The following TRIO variants were observed in gnomAD, a reference collection of about 807,000 sequenced individuals.
TRIO encodes trio Rho guanine nucleotide exchange factor.
A neutral mutation model predicts 351.9 loss-of-function variants in TRIO; 58 were observed. That is an observed-to-expected ratio of 0.16 (90% CI 0.13 to 0.21). TRIO has a LOEUF of 0.21. Among genes scored for constraint, TRIO ranks in the 10% least tolerant of loss-of-function variants. The pLI is 1.00. For missense variants in TRIO, 3,201 were observed against 4,027.8 expected (o/e 0.79, Z 5.56); for synonymous variants, 1,758 against 1,595.7 (o/e 1.10, Z -2.42).
chr5:14,428,441 A>T (rs1750824930), intron 34 of TRIO, among the ~76,000 whole-genome samples: 1 of 152,198 alleles, frequency 6.6e-6, no homozygotes. Context: ...ACAGCTGCTA[A>T]TGTCAATTCC....
At chr5:14,416,054 C>T (rs1749615802) in intron 33 of TRIO, among the ~76,000 whole-genome samples, 1 of 151,430 alleles carries the variant, frequency 6.6e-6, no homozygotes, top group Non-Finnish European at 1.5e-5. Context: ...AACGAAGATA[C>T]TGTGAGAACT....
chr5:14,456,216 G>A (rs1753290718), intron 34 of TRIO, among the ~76,000 whole-genome samples: 1 of 152,244 alleles, frequency 6.6e-6, no homozygotes, highest in Non-Finnish European at 1.5e-5. Flanking sequence ...GCGCTAGCCT[G>A]CGAGCACCGC....
intron 1 of TRIO, among the ~76,000 whole-genome samples, chr5:14,237,688 G>A (rs558906193): frequency 6.6e-6 from 1 of 152,312 alleles, no homozygotes; most frequent in African/African-American, 2.4e-5. Context: ...ACATTGATCA[G>A]CATGGTGTTT....
At chr5:14,238,590 T>C (rs935080946) in intron 1 of TRIO, among the ~76,000 whole-genome samples, 1 of 152,266 alleles carries the variant, frequency 6.6e-6, no homozygotes, top group Non-Finnish European at 1.5e-5. Flanking sequence ...TTATGTTCCA[T>C]GCACATTTAA....
At position 14,297,121 on chromosome 5, in the gene TRIO, T is replaced by G. The variant is rs951795219; in HGVS notation, c.1226T>G (p.Val409Gly). Residue 409 changes from valine to glycine, a missense_variant, in exon 7 of 57, where the codon GTG becomes GGG. Coordinates refer to ENST00000344204, the MANE Select transcript of TRIO (RefSeq NM_007118.4). ...NRIMSVANRL[V>G]ESGHYASQQI... is the part of the protein sequence containing the mutation. ...ATCATGTCGGTGGCCAATCGTCTGGTGGAGTCTGGCCACTATGCCTCGCAG... is the reference window on the plus strand; with the variant it reads ...ATCATGTCGGTGGCCAATCGTCTGGGGGAGTCTGGCCACTATGCCTCGCAG... 6.2e-7 allele frequency: 1 copy of G among 1,614,106 alleles called. No individual in the cohort carries two copies. The highest frequency in any genetic ancestry group is 8.5e-7 in the Non-Finnish European group (1 of 1,179,998).
At chr5:14,264,096 C>T (rs865970085) in intron 1 of TRIO, among the ~76,000 whole-genome samples, 1 of 152,126 alleles carries the variant, frequency 6.6e-6, no homozygotes, top group Non-Finnish European at 1.5e-5. Context: ...TTCCATTGCA[C>T]AATTAATACA....
chr5:14,258,596 C>T (rs1795160997), intron 1 of TRIO, among the ~76,000 whole-genome samples: 1 of 152,170 alleles, frequency 6.6e-6, no homozygotes. Flanking sequence ...GATCTTACCC[C>T]ACTCAGATTG....
At chr5:14,221,933 C>T (rs1320015101) in intron 1 of TRIO, among the ~76,000 whole-genome samples, 2 of 152,190 alleles carry the variant, frequency 1.3e-5, no homozygotes, top group African/African-American at 2.4e-5. Context: ...AACAGCATCA[C>T]ATGCTACAGA....
rs866597540 is a variant in TRIO at position 14,394,871 on chromosome 5, A to G, written c.4311+741A>G. Among the ~76,000 whole-genome samples, 7 of 152,318 alleles carry G rather than the reference A, an allele frequency of 4.6e-5. No individual in the cohort carries two copies. The South Asian group carries it at 6.2e-4, about 14-fold the overall frequency. ...TTTATTTTTATATTATATATCATCA[A>G]TACACATTTTCTTGACTACCTAAAA... On this transcript the variant is annotated intron_variant, in intron 28 of 56. Coordinates refer to ENST00000344204, the MANE Select transcript of TRIO (RefSeq NM_007118.4).
intron 41 of TRIO, among the ~76,000 whole-genome samples, chr5:14,478,786 C>CA (rs1187243670): frequency 0.048 from 4,554 of 94,828 alleles, 244 homozygotes; most frequent in African/African-American, 0.14. Context: ...TCCATCCCTA[C>CA]AAAAAAAAAA....
At chr5:14,168,907 C>T (rs952735275) in intron 1 of TRIO, among the ~76,000 whole-genome samples, 3 of 152,212 alleles carry the variant, frequency 2.0e-5, no homozygotes, top group South Asian at 2.1e-4. Context: ...CCGCTCCTGG[C>T]GGCAGACCGT....
chr5:14,453,846 A>T (rs749497299), intron 34 of TRIO, among the ~76,000 whole-genome samples: 1 of 152,162 alleles, frequency 6.6e-6, no homozygotes, highest in Non-Finnish European at 1.5e-5. Flanking sequence ...AAAAAGCAGG[A>T]CTGAGAGTTA....
chr5:14,476,646 T>G (rs961627740), intron 40 of TRIO, among the ~76,000 whole-genome samples: 4 of 151,902 alleles, frequency 2.6e-5, no homozygotes, highest in African/African-American at 7.3e-5. Flanking sequence ...GCCAAAAAAT[T>G]AGCTAGGCAT....
chr5:14,369,452 C>T lies in TRIO; in HGVS notation c.3145C>T (p.Pro1049Ser). The change falls in exon 18 of 57, where the codon CCA (proline) becomes TCA (serine). Residue 1049 changes from proline to serine, a missense_variant. Physicochemically the swap from Pro to Ser is moderately conservative, Grantham distance 74. Coordinates refer to ENST00000344204, the MANE Select transcript of TRIO (RefSeq NM_007118.4). ...DWCGGADKLG[P>S]NSETDHVTPM... ...GTGTGGCGGGGCGGATAAGCTGGGC[C>T]CAAACTCTGAGACGGACCACGTGAC... 3.7e-6 allele frequency: 6 copies of T among 1,614,098 alleles called. No individual in the cohort carries two copies. The highest frequency in any genetic ancestry group is 4.2e-6 in the Non-Finnish European group (5 of 1,180,022).
chr5:14,477,069 GT>G, intron 41 of TRIO, 106 bp downstream of exon 41: 1 of 959,952 alleles, frequency 1.0e-6, no homozygotes. Flanking sequence ...AAGTGCGTAT[GT>G]TTAAGATAAA....
At chr5:14,209,718 C>CT (rs1489122841) in intron 1 of TRIO, among the ~76,000 whole-genome samples, 1 of 152,280 alleles carries the variant, frequency 6.6e-6, no homozygotes, top group Admixed American at 6.5e-5. Flanking sequence ...GTGCAGCACA[C>CT]TTTTTTTCTT....
At chr5:14,470,537 A>T (rs1199395162) in intron 37 of TRIO, among the ~76,000 whole-genome samples, 1 of 152,252 alleles carries the variant, frequency 6.6e-6, no homozygotes, top group African/African-American at 2.4e-5. Flanking sequence ...ATCAGTCACC[A>T]GTCATTGTCA....
At chr5:14,166,218 C>T (rs1025060920) in intron 1 of TRIO, among the ~76,000 whole-genome samples, 3 of 152,216 alleles carry the variant, frequency 2.0e-5, no homozygotes, top group African/African-American at 7.2e-5. Flanking sequence ...GCCTGGGGGG[C>T]ACCCCCTTCT....
At chr5:14,474,349 A>C (rs1343367513) in intron 40 of TRIO, among the ~76,000 whole-genome samples, 1 of 152,196 alleles carries the variant, frequency 6.6e-6, no homozygotes, top group Non-Finnish European at 1.5e-5. Context: ...TGGAAGCACC[A>C]GCGTGGAGCC....
Sources: allele counts gnomAD v4.1 joint callset (sites outside exome capture counted in the v4.1 genomes callset), GRCh38; gene constraint gnomAD v4.1.1; transcripts MANE v1.5; gene names NCBI Gene and HGNC (gene_info 2026-07-23, HGNC 2026-07-21).